The following PSME4 variants were observed in gnomAD, a reference collection of about 807,000 sequenced individuals.
PSME4 encodes the protein proteasome activator complex subunit 4.
Under a neutral mutation model 253.9 loss-of-function variants are expected in PSME4, and 89 were observed. The observed-to-expected ratio is 0.35, with a 90% CI of 0.30 to 0.42. The LOEUF (loss-of-function observed/expected upper bound fraction) is 0.42. PSME4 is among the 10% of genes least tolerant of loss of function. The pLI is 1.00. For missense variants in PSME4, 2,014 were observed against 2,195.2 expected, an observed-to-expected ratio of 0.92 and a Z score of 1.65; for synonymous variants, 851 against 759.2, an observed-to-expected ratio of 1.12 and a Z score of -1.99.
At chr2:53,918,001 T>C (rs1314197313) in intron 20 of PSME4, among the ~76,000 whole-genome samples, 8 of 152,214 alleles carry the variant, frequency 5.3e-5, no homozygotes, top group Non-Finnish European at 1.2e-4. Context: ...CTTAATAATC[T>C]AAAAAGTTCA....
At chr2:53,923,532 G>A in intron 14 of PSME4, 113 bp from the exon 15 acceptor site, 1 of 1,304,426 alleles carries the variant, frequency 7.7e-7, no homozygotes, top group Non-Finnish European at 1.0e-6. Flanking sequence ...AAGCCCATAG[G>A]CAATTTTTAA....
chr2:53,868,600 AATATATATACATAC>A (rs1678720365), intron 44 of PSME4, among the ~76,000 whole-genome samples: 1 of 124,910 alleles, frequency 8.0e-6, no homozygotes, highest in East Asian at 2.0e-4. Context: ...ATATATATAT[AATATATATACATAC>A]ATATATATAT....
rs747853390 is a variant in PSME4, at chr2:53,866,916, A to G, written c.5264-36T>C. On this transcript the variant is annotated intron_variant, in intron 44 of 46. Transcript: ENST00000404125. ...AATAGCAACATTTGTGCAAATATAT[A>G]TATGTCTCTAATGCACTTGTTACAG... 6.9e-6 allele frequency: 11 copies of G among 1,594,526 alleles called. No homozygotes were observed. The Admixed American group carries it at 1.2e-4, about 18-fold the overall frequency.
In PSME4 at chr2:53,887,367, A is replaced by G; in HGVS notation, c.4621T>C (p.Leu1541=). 1 of 1,613,838 alleles carries G rather than the reference A, an allele frequency of 6.2e-7. No homozygotes were observed. Among genetic ancestry groups the G allele is most frequent in the Non-Finnish European group, 8.5e-7 (1 of 1,179,800 alleles). Residue 1541 remains leucine, a synonymous_variant, in exon 40 of 47, where the codon TTG becomes CTG. Transcript: ENST00000404125. Reference sequence around the variant, plus strand: ...TCATCCACATCCATGAGAGGTTTCAATTTCTCCAGAATTCGAGCAGTAAAC... The same window carrying G: ...TCATCCACATCCATGAGAGGTTTCAGTTTCTCCAGAATTCGAGCAGTAAAC... ...PEFTARILEK[L]KPLMDVDEEI...
chr2:53,948,700 T>G (rs1363285765), intron 2 of PSME4, among the ~76,000 whole-genome samples, 163 bp from the exon 3 acceptor site: 1 of 152,176 alleles, frequency 6.6e-6, no homozygotes, highest in Non-Finnish European at 1.5e-5. Context: ...TTAAGAAGAA[T>G]AATGCACCCA....
At chr2:53,888,887 A>C in intron 37 of PSME4, 75 bp from the exon 38 acceptor site, 3 of 1,199,606 alleles carry the variant, frequency 2.5e-6, no homozygotes, top group Non-Finnish European at 3.6e-6. Flanking sequence ...CAGTTATTTA[A>C]TTTAATTTTA....
intron 44 of PSME4, among the ~76,000 whole-genome samples, chr2:53,867,501 G>GAAAAAAA (rs1223931718): frequency 1.8e-5 from 2 of 113,436 alleles, no homozygotes; most frequent in African/African-American, 3.4e-5. Context: ...TCCGTCTCAA[G>GAAAAAAA]GAAAAAAAAA....
chr2:53,908,679 C>A (rs929508226), intron 22 of PSME4, 105 bp downstream of exon 22: 8 of 1,432,260 alleles, frequency 5.6e-6, no homozygotes, highest in Non-Finnish European at 7.6e-6. Flanking sequence ...AATATTCTCA[C>A]CATTTAGAAT....
At chr2:53,968,391 T>C (rs911340750) in intron 1 of PSME4, among the ~76,000 whole-genome samples, 5 of 152,128 alleles carry the variant, frequency 3.3e-5, no homozygotes, top group African/African-American at 9.7e-5. Flanking sequence ...AGAAACTAGA[T>C]TTTCTTTTCA....
chr2:53,963,585 G>A (rs1307890875), intron 1 of PSME4, among the ~76,000 whole-genome samples: 1 of 152,142 alleles, frequency 6.6e-6, no homozygotes, highest in Non-Finnish European at 1.5e-5. Context: ...CCAGGATTGA[G>A]TCTAAGTCTT....
In PSME4 at chr2:53,970,533, G is replaced by A. The variant is rs752339772; in HGVS notation, c.242+10C>T. The A allele has an allele frequency of 3.9e-6, 6 of 1,547,462 alleles. No individual in the cohort carries two copies. Among genetic ancestry groups the A allele is most frequent in the East Asian group, 2.4e-5 (1 of 40,830 alleles). ...CCCCCGGCCCGGCCCGCAGGCCCGG[G>A]CACACTTACGTGGAGAGTTTCCTGG... is the stretch of plus-strand genomic sequence containing the variant. On this transcript the variant is annotated intron_variant, in intron 1 of 46. Coordinates refer to ENST00000404125, the MANE Select transcript of PSME4 (RefSeq NM_014614.3).
At chr2:53,876,597 A>G (rs1448472466) in intron 41 of PSME4, among the ~76,000 whole-genome samples, 2 of 151,804 alleles carry the variant, frequency 1.3e-5, no homozygotes, top group East Asian at 3.8e-4. Context: ...ATATATATAT[A>G]TAAGCTTTCC....
At chr2:53,877,255 A>AC (rs905124705) in intron 41 of PSME4, among the ~76,000 whole-genome samples, 3 of 148,752 alleles carry the variant, frequency 2.0e-5, no homozygotes, top group Non-Finnish European at 4.4e-5. Flanking sequence ...TACAAAAAAA[A>AC]AAAAAAAAAA....
At chr2:53,890,054 A>T in intron 37 of PSME4, 50 bp downstream of exon 37, 1 of 1,362,622 alleles carries the variant, frequency 7.3e-7, no homozygotes, top group Non-Finnish European at 1.0e-6. Context: ...AGACAGTATC[A>T]AACAGTTTGA....
chr2:53,895,315 T>G (rs1225941970), intron 33 of PSME4, among the ~76,000 whole-genome samples: 1 of 152,204 alleles, frequency 6.6e-6, no homozygotes, highest in East Asian at 1.9e-4. Context: ...GGCATATGTA[T>G]TATTAATAGG....
At chr2:53,903,775 T>A (rs1680519825) in intron 27 of PSME4, among the ~76,000 whole-genome samples, 1 of 152,188 alleles carries the variant, frequency 6.6e-6, no homozygotes, top group Non-Finnish European at 1.5e-5. Flanking sequence ...GGTAAATAAC[T>A]AAATAATGAG....
At chr2:53,930,798 T>G (rs899852082) in intron 10 of PSME4, among the ~76,000 whole-genome samples, 3 of 152,182 alleles carry the variant, frequency 2.0e-5, no homozygotes, top group Non-Finnish European at 4.4e-5. Context: ...ACTAGGGACC[T>G]TGGACAAATT....
At position 53,925,972 on chromosome 2, in the gene PSME4, G is replaced by C; in HGVS notation, c.1645C>G (p.Gln549Glu). The change falls in exon 13 of 47, where the codon CAG (glutamine) becomes GAG (glutamate). Residue 549 changes from glutamine (Q) to glutamate (E), a missense_variant. This residue lies in a region of PSME4 where 989 missense variants were observed against 1,021.1 expected (regional missense o/e 0.97). Transcript: ENST00000404125. ...TTACAAGCTCACCTGTCCATAAACT[G>C]TAAGACGAAATCCTCAAATTCAGCT... ...ATAEFEDFVLQFMDRCFGLIE... is the reference protein window; with the variant it reads ...ATAEFEDFVLEFMDRCFGLIE... 6.2e-7 allele frequency: 1 copy of C among 1,613,154 alleles called. No homozygotes were observed. Among genetic ancestry groups the C allele is most frequent in the Non-Finnish European group, 8.5e-7 (1 of 1,179,124 alleles).
intron 10 of PSME4, among the ~76,000 whole-genome samples, chr2:53,930,431 G>A (rs1225503356): frequency 6.6e-6 from 1 of 152,178 alleles, no homozygotes; most frequent in East Asian, 1.9e-4. Context: ...TTAACTGTTG[G>A]CTTCTGCTAC....
Sources: allele counts gnomAD v4.1 joint callset (sites outside exome capture counted in the v4.1 genomes callset), GRCh38; gene constraint gnomAD v4.1.1; regional missense constraint gnomAD v4.1.1; transcripts MANE v1.5; gene names NCBI Gene and HGNC (gene_info 2026-07-23, HGNC 2026-07-21).